Variants in PPP2R2B observed in about 807,000 individuals in gnomAD.
PPP2R2B encodes serine/threonine-protein phosphatase 2A 55 kDa regulatory subunit B beta isoform.
A neutral mutation model predicts 46.0 loss-of-function variants in PPP2R2B; 5 were observed. The ratio of observed to expected loss-of-function variants is 0.11; its 90% CI spans 0.06 to 0.23. The LOEUF is 0.23. Among genes scored for constraint, PPP2R2B ranks in the 10% least tolerant of loss-of-function variants. The pLI, the probability that PPP2R2B is intolerant of heterozygous loss-of-function variation, is 1.00. For synonymous variants in PPP2R2B, 215 were observed against 206.7 expected, an observed-to-expected ratio of 1.04 and a Z score of -0.34; for missense variants, 367 against 575.0, an observed-to-expected ratio of 0.64 and a Z score of 3.70.
At chr5:146,992,194 G>T (rs1753725257) in intron 1 of PPP2R2B, among the ~76,000 whole-genome samples, 1 of 152,060 alleles carries the variant, frequency 6.6e-6, no homozygotes, top group African/African-American at 2.4e-5. Context: ...AGAATAGATA[G>T]CCCAGAAATG....
intron 2 of PPP2R2B, among the ~76,000 whole-genome samples, chr5:146,751,929 G>A (rs1753579036): frequency 6.6e-6 from 1 of 152,136 alleles, no homozygotes; most frequent in Non-Finnish European, 1.5e-5. Context: ...GTAGCAAGAA[G>A]GGGAGTGTGC....
intron 2 of PPP2R2B, among the ~76,000 whole-genome samples, chr5:146,798,567 A>T (rs984828105): frequency 3.9e-5 from 6 of 152,298 alleles, no homozygotes; most frequent in African/African-American, 1.4e-4. Context: ...TATTATAAGT[A>T]CTTTACAAAA....
intron 1 of PPP2R2B, among the ~76,000 whole-genome samples, chr5:146,943,687 A>G (rs1432866107): frequency 6.7e-6 from 1 of 149,284 alleles, no homozygotes; most frequent in Non-Finnish European, 1.5e-5. Flanking sequence ...TTTTTTTTTT[A>G]TAGCAGAAAG....
At chr5:146,665,815 C>T (rs896788655) in intron 5 of PPP2R2B, among the ~76,000 whole-genome samples, 3 of 152,144 alleles carry the variant, frequency 2.0e-5, no homozygotes, top group Non-Finnish European at 4.4e-5. Context: ...TTAATGATCA[C>T]AGATCTCTAT....
chr5:147,052,662 C>A (rs1032383430), intron 1 of PPP2R2B, among the ~76,000 whole-genome samples: 1 of 152,146 alleles, frequency 6.6e-6, no homozygotes, highest in Admixed American at 6.5e-5. Flanking sequence ...GCCTGTGTGT[C>A]TGGGGACCAG....
At chr5:146,724,621 A>G (rs1011434457) in intron 2 of PPP2R2B, among the ~76,000 whole-genome samples, 14 of 152,184 alleles carry the variant, frequency 9.2e-5, no homozygotes, top group Admixed American at 7.9e-4. Context: ...ACATGTGCAC[A>G]CAAACACAGA....
intron 2 of PPP2R2B, among the ~76,000 whole-genome samples, chr5:147,071,148 C>A (rs892124264): frequency 3.3e-5 from 5 of 151,972 alleles, no homozygotes. Flanking sequence ...GAGTATGACG[C>A]CCAGAATTGT....
In PPP2R2B at chr5:146,583,302, C is replaced by G. The variant is rs552215013; in HGVS notation, c.*6645G>C. ...CATATGTTTTATAGGATTAGCAGAACTGTAGCAAGAAATGTGCACTGAATG... is the reference window on the plus strand; with the variant it reads ...CATATGTTTTATAGGATTAGCAGAAGTGTAGCAAGAAATGTGCACTGAATG... On this transcript the variant is annotated 3_prime_UTR_variant, in exon 10 of 10. Transcript: ENST00000394411. 1 of 152,308 alleles carries G rather than the reference C, an allele frequency of 6.6e-6. No homozygotes were observed. Among genetic ancestry groups the G allele is most frequent in the Non-Finnish European group, 1.5e-5 (1 of 68,034 alleles). 9.4% of individuals were successfully genotyped at this position (152,308 alleles called of 1,614,324 possible).
chr5:146,898,301 T>C (rs1762713426), intron 1 of PPP2R2B, among the ~76,000 whole-genome samples: 2 of 152,216 alleles, frequency 1.3e-5, no homozygotes, highest in South Asian at 2.1e-4. Context: ...ACCAGTACCA[T>C]GCTGTTTTGG....
At chr5:147,047,437 A>T (rs1032813984) in intron 1 of PPP2R2B, among the ~76,000 whole-genome samples, 5 of 152,106 alleles carry the variant, frequency 3.3e-5, no homozygotes, top group African/African-American at 1.2e-4. Context: ...TGTCAATTTT[A>T]AAAAAATTTC....
intron 2 of PPP2R2B, among the ~76,000 whole-genome samples, chr5:146,704,979 G>A (rs946463907): frequency 1.3e-5 from 2 of 152,122 alleles, no homozygotes; most frequent in Non-Finnish European, 2.9e-5. Context: ...ATTATTAGGT[G>A]ATATACAACT....
rs200492908 is a variant in PPP2R2B at position 147,055,744 on chromosome 5, C to T, written c.-1G>A. ...GCAGGTAACGAGAGAAGCATTTCAT[C>T]TTCCAAATAAAAAATAAAAATCTAA... On this transcript the variant is annotated 5_prime_UTR_variant, in exon 1 of 9. Coordinates refer to the PPP2R2B transcript ENST00000336640. The T allele has an allele frequency of 4.3e-6, 7 of 1,611,584 alleles. No homozygotes were observed. In the East Asian group the frequency reaches 1.6e-4, roughly 36 times the overall value.
At chr5:147,067,247 A>G (rs76934373) in intron 2 of PPP2R2B, among the ~76,000 whole-genome samples, 252 of 152,296 alleles carry the variant, frequency 1.7e-3, no homozygotes, top group African/African-American at 5.8e-3. Flanking sequence ...TACAGTTACC[A>G]TGTTGTACAG....
chr5:146,664,419 T>A (rs1776852462), intron 5 of PPP2R2B, among the ~76,000 whole-genome samples: 1 of 152,150 alleles, frequency 6.6e-6, no homozygotes, highest in Admixed American at 6.6e-5. Context: ...AATAAACCAC[T>A]CTTTGCTTAT....
At chr5:146,893,256 G>A (rs1379041692) in intron 1 of PPP2R2B, among the ~76,000 whole-genome samples, 2 of 152,176 alleles carry the variant, frequency 1.3e-5, no homozygotes, top group African/African-American at 4.8e-5. Context: ...AATGATTCCT[G>A]AGCATTAATG....
At chr5:146,904,275 G>T (rs913274409) in intron 1 of PPP2R2B, among the ~76,000 whole-genome samples, 1 of 152,166 alleles carries the variant, frequency 6.6e-6, no homozygotes, top group African/African-American at 2.4e-5. Flanking sequence ...GTTCCTAAAA[G>T]TATGAAAGGT....
intron 8 of PPP2R2B, among the ~76,000 whole-genome samples, chr5:146,598,354 T>C (rs1771423882): frequency 6.6e-6 from 1 of 152,236 alleles, no homozygotes; most frequent in African/African-American, 2.4e-5. Context: ...CAAATCTCTC[T>C]TGCCAAATCC....
At chr5:146,905,806 T>C (rs1179304876) in intron 1 of PPP2R2B, among the ~76,000 whole-genome samples, 1 of 152,172 alleles carries the variant, frequency 6.6e-6, no homozygotes, top group Non-Finnish European at 1.5e-5. Flanking sequence ...TAGAGTCAAA[T>C]GGCAGATCAT....
chr5:146,745,160 C>CAGACAGAGAGAG (rs1753100699), intron 2 of PPP2R2B, among the ~76,000 whole-genome samples: 1 of 94,950 alleles, frequency 1.1e-5, no homozygotes, highest in Non-Finnish European at 2.1e-5. Flanking sequence ...CAGAGAAAGA[C>CAGACAGAGAGAG]AGAGAGAGAG....
Sources: allele counts gnomAD v4.1 joint callset (sites outside exome capture counted in the v4.1 genomes callset), GRCh38; gene constraint gnomAD v4.1.1; transcripts MANE v1.5; gene names NCBI Gene and HGNC (gene_info 2026-07-23, HGNC 2026-07-21).